The following DGKB variants were observed in gnomAD, a reference collection of about 807,000 sequenced individuals.
DGKB encodes 90 kDa diacylglycerol kinase.
Under a neutral mutation model 114.3 loss-of-function variants are expected in DGKB, and 67 were observed. The ratio of observed to expected loss-of-function variants is 0.59; its 90% CI spans 0.48 to 0.72. The LOEUF (loss-of-function observed/expected upper bound fraction) is 0.72. Ranked by LOEUF, DGKB falls within the 30% of genes least tolerant of loss-of-function variation. DGKB has a pLI of 0.00. For missense variants in DGKB, 907 were observed against 975.2 expected, an observed-to-expected ratio of 0.93 and a Z score of 0.93; for synonymous variants, 398 against 323.1, an observed-to-expected ratio of 1.23 and a Z score of -2.49.
At chr7:14,704,447 CAAAAAAA>C (rs774905779) in intron 6 of DGKB, among the ~76,000 whole-genome samples, 4 of 53,466 alleles carry the variant, frequency 7.5e-5, no homozygotes, top group Non-Finnish European at 1.7e-4. Context: ...GACTCCATCT[CAAAAAAA>C]AAAAAAAAAA....
chr7:14,603,027 G>T (rs902824197), intron 17 of DGKB, among the ~76,000 whole-genome samples: 1 of 152,066 alleles, frequency 6.6e-6, no homozygotes, highest in African/African-American at 2.4e-5. Flanking sequence ...GCATGTAAAA[G>T]GTGACTAAAG....
intron 1 of DGKB, among the ~76,000 whole-genome samples, chr7:14,959,144 T>C (rs960485748): frequency 4.6e-5 from 7 of 151,602 alleles, no homozygotes; most frequent in South Asian, 2.1e-4. Context: ...TTTAGGAATA[T>C]TGAATATTTT....
intron 21 of DGKB, among the ~76,000 whole-genome samples, chr7:14,437,592 C>T (rs1829467886): frequency 6.6e-6 from 1 of 151,896 alleles, no homozygotes; most frequent in South Asian, 2.1e-4. Flanking sequence ...ATTTTGATTG[C>T]ATACCTCCTA....
At chr7:14,159,364 A>G (rs961512823) in intron 25 of DGKB, among the ~76,000 whole-genome samples, 7 of 152,052 alleles carry the variant, frequency 4.6e-5, no homozygotes, top group African/African-American at 1.4e-4. Flanking sequence ...GCCTTCCTGG[A>G]CCTTCTACAA....
chr7:14,498,360 C>T (rs1171189346), intron 20 of DGKB, among the ~76,000 whole-genome samples: 1 of 151,700 alleles, frequency 6.6e-6, no homozygotes, highest in African/African-American at 2.4e-5. Context: ...ACTTAATTAA[C>T]ACAAAGTATT....
intron 20 of DGKB, among the ~76,000 whole-genome samples, chr7:14,526,451 T>A (rs988925747): frequency 6.6e-6 from 1 of 152,108 alleles, no homozygotes; most frequent in Non-Finnish European, 1.5e-5. Context: ...CTGTATTACA[T>A]CTGCCTAAAT....
chr7:14,245,248 T>C (rs780057768), intron 23 of DGKB, among the ~76,000 whole-genome samples: 2 of 152,102 alleles, frequency 1.3e-5, no homozygotes, highest in African/African-American at 2.4e-5. Context: ...TGGCTAAAAA[T>C]AAATGTCCTA....
intron 2 of DGKB, among the ~76,000 whole-genome samples, chr7:14,802,144 C>T (rs960752980): frequency 6.6e-6 from 1 of 152,086 alleles, no homozygotes; most frequent in Admixed American, 6.6e-5. Flanking sequence ...TAAGAGTGGG[C>T]TTACTTTAAC....
At chr7:14,480,043 C>T (rs1257615831) in intron 20 of DGKB, among the ~76,000 whole-genome samples, 2 of 151,740 alleles carry the variant, frequency 1.3e-5, no homozygotes, top group Non-Finnish European at 2.9e-5. Context: ...TTGTGTAGTA[C>T]AATTTTTTTT....
chr7:14,850,409 G>T (rs1171849067), intron 1 of DGKB, among the ~76,000 whole-genome samples: 1 of 152,088 alleles, frequency 6.6e-6, no homozygotes, highest in African/African-American at 2.4e-5. Flanking sequence ...TAGTGAGACT[G>T]GTTCAAACTT....
At chr7:14,747,779 GCACACACA>G (rs11276008) in intron 4 of DGKB, among the ~76,000 whole-genome samples, 5 of 148,604 alleles carry the variant, frequency 3.4e-5, no homozygotes, top group Non-Finnish European at 4.5e-5. Context: ...CCACGCGCAC[GCACACACA>G]CACACACACA....
chr7:14,631,910 C>T (rs2128849972), intron 13 of DGKB, among the ~76,000 whole-genome samples: 1 of 152,034 alleles, frequency 6.6e-6, no homozygotes, highest in African/African-American at 2.4e-5. Flanking sequence ...CCATTCTGTG[C>T]CATGGACCCA....
At chr7:14,252,019 T>C (rs1451848242) in intron 23 of DGKB, among the ~76,000 whole-genome samples, 1 of 152,202 alleles carries the variant, frequency 6.6e-6, no homozygotes, top group Non-Finnish European at 1.5e-5. Flanking sequence ...GCTTCATGGA[T>C]TGGGATGTTC....
At chr7:14,652,391 C>A (rs1396532264) in intron 13 of DGKB, among the ~76,000 whole-genome samples, 2 of 151,828 alleles carry the variant, frequency 1.3e-5, no homozygotes, top group Admixed American at 6.6e-5. Context: ...GAAAAACAAG[C>A]AATGGGGAAA....
intron 14 of DGKB, among the ~76,000 whole-genome samples, chr7:14,624,943 A>C (rs1808309414): frequency 6.6e-6 from 1 of 152,062 alleles, no homozygotes; most frequent in Non-Finnish European, 1.5e-5. Flanking sequence ...GGTTGCAGTG[A>C]GCCAAGATTG....
In DGKB at chr7:14,841,315, G is replaced by T; in HGVS notation, c.-52C>A. ...ACCAGGTAAAAGATTCTTTATTCAG[G>T]TGTTGCGCAGAGGTCTATGCTTCAA... On this transcript the variant is annotated 5_prime_UTR_variant, in exon 2 of 26. Transcript: ENST00000402815. 6.6e-7 allele frequency: 1 copy of T among 1,520,450 alleles called. No individual in the cohort carries two copies. The highest frequency in any genetic ancestry group is 1.8e-5 in the Admixed American group (1 of 56,982). The allele number at this position is 1,520,450 out of a possible 1,614,324, so 94.2% of individuals were successfully genotyped here.
At chr7:14,473,180 G>A (rs112922733) in intron 21 of DGKB, among the ~76,000 whole-genome samples, 3 of 152,154 alleles carry the variant, frequency 2.0e-5, no homozygotes, top group African/African-American at 7.2e-5. Flanking sequence ...GGAAAAAATG[G>A]TTTTGTGAGC....
chr7:14,797,259 A>G (rs1481942123), intron 2 of DGKB, among the ~76,000 whole-genome samples: 1 of 152,164 alleles, frequency 6.6e-6, no homozygotes, highest in African/African-American at 2.4e-5. Context: ...ACAAACCTAG[A>G]ACTCCTTGAA....
chr7:14,569,303 C>A (rs1279600944), intron 20 of DGKB, among the ~76,000 whole-genome samples: 1 of 152,152 alleles, frequency 6.6e-6, no homozygotes, highest in African/African-American at 2.4e-5. Flanking sequence ...AAACAAGACC[C>A]TTTAAAAGAA....
Sources: gnomAD v4.1 joint callset for allele counts (sites outside exome capture counted in the v4.1 genomes callset) on GRCh38, gnomAD v4.1.1 for gene constraint, MANE v1.5 for transcripts, NCBI Gene and HGNC (gene_info 2026-07-23, HGNC 2026-07-21) for gene names.